The following GCLM variants were observed in gnomAD, a reference collection of about 807,000 sequenced individuals.
GCLM encodes the protein glutamate--cysteine ligase regulatory subunit.
Under a neutral mutation model 36.0 loss-of-function variants are expected in GCLM, and 15 were observed. The observed-to-expected ratio is 0.42, with a 90% CI of 0.28 to 0.64. GCLM has a LOEUF of 0.64. Among genes scored for constraint, GCLM ranks in the 30% least tolerant of loss-of-function variants. The pLI, the probability that GCLM is intolerant of heterozygous loss-of-function variation, is 0.25. For missense variants in GCLM, 242 were observed against 325.5 expected, an observed-to-expected ratio of 0.74 and a Z score of 1.97; for synonymous variants, 129 against 122.8, an observed-to-expected ratio of 1.05 and a Z score of -0.34.
intron 1 of GCLM, among the ~76,000 whole-genome samples, chr1:93,906,247 T>C (rs1397871481): frequency 6.6e-6 from 1 of 152,232 alleles, no homozygotes; most frequent in African/African-American, 2.4e-5. Context: ...TAGATCTTTA[T>C]GTAAAGCATA....
At position 93,909,226 on chromosome 1, in the gene GCLM, C is replaced by T; in HGVS notation, c.-63G>A. The T allele has an allele frequency of 8.9e-7, 1 of 1,126,682 alleles. No homozygotes were observed. Among genetic ancestry groups the T allele is most frequent in the East Asian group, 5.0e-5 (1 of 19,890 alleles). The allele number at this position is 1,126,682 out of a possible 1,614,324, so 69.8% of individuals were successfully genotyped here. A position where few individuals can be genotyped will look rare whatever the true frequency, so the allele number is the denominator to read the frequency against. ...GCGGGCGGGCGGGCAGGCAGGCGGC[C>T]GCCCCACAGGACGCGGTGCCCGAGG... On this transcript the variant is annotated 5_prime_UTR_variant, in exon 1 of 7. Coordinates refer to ENST00000370238, the MANE Select transcript of GCLM (RefSeq NM_002061.4).
chr1:93,906,588 A>C (rs1316359831), intron 1 of GCLM, among the ~76,000 whole-genome samples: 1 of 152,228 alleles, frequency 6.6e-6, no homozygotes, highest in Non-Finnish European at 1.5e-5. Context: ...ACAAATAATA[A>C]AACAGTCTAA....
intron 5 of GCLM, among the ~76,000 whole-genome samples, chr1:93,895,240 T>C (rs1038205461): frequency 6.6e-6 from 1 of 152,200 alleles, no homozygotes; most frequent in Admixed American, 6.5e-5. Context: ...GGTCTTGAAC[T>C]CCTGACCTCA....
intron 6 of GCLM, among the ~76,000 whole-genome samples, chr1:93,892,654 A>C (rs1315059299): frequency 6.6e-6 from 1 of 152,200 alleles, no homozygotes; most frequent in East Asian, 1.9e-4. Context: ...AAAAATATAA[A>C]AAAGGATTAA....
chr1:93,895,963 C>CT (rs577913729), intron 5 of GCLM, among the ~76,000 whole-genome samples: 33,850 of 133,420 alleles, frequency 0.25, 4,427 homozygotes, highest in Admixed American at 0.33. Context: ...GTTTTTCTTT[C>CT]TTTTTTTTTT....
chr1:93,893,365 CTT>C (rs1410095588), intron 6 of GCLM, among the ~76,000 whole-genome samples: 1 of 152,202 alleles, frequency 6.6e-6, no homozygotes, highest in Non-Finnish European at 1.5e-5. Flanking sequence ...TATTAAAACT[CTT>C]TCTCCTCCAT....
chr1:93,895,012 C>A (rs1571199157), intron 5 of GCLM, among the ~76,000 whole-genome samples: 1 of 128,080 alleles, frequency 7.8e-6, no homozygotes, highest in Non-Finnish European at 1.7e-5. Flanking sequence ...CAGTACTACA[C>A]TTTTTTTTTT....
intron 2 of GCLM, among the ~76,000 whole-genome samples, chr1:93,902,693 T>C (rs181036004): frequency 6.6e-6 from 1 of 152,292 alleles, no homozygotes; most frequent in African/African-American, 2.4e-5. Flanking sequence ...CCAGTTTATC[T>C]TAGGGTTTAC....
chr1:93,891,932 TGG>T (rs17879254), intron 6 of GCLM, among the ~76,000 whole-genome samples: 233 of 152,318 alleles, frequency 1.5e-3, no homozygotes, highest in African/African-American at 5.3e-3. Flanking sequence ...TATCTCTTTA[TGG>T]GGGGAAACCA....
At chr1:93,903,978 A>G (rs1008696501) in intron 2 of GCLM, among the ~76,000 whole-genome samples, 3 of 152,216 alleles carry the variant, frequency 2.0e-5, no homozygotes, top group Non-Finnish European at 4.4e-5. Flanking sequence ...GCCCAGGGGA[A>G]CCAGTATTTC....
chr1:93,902,004 AT>A (rs1230032258), intron 2 of GCLM, among the ~76,000 whole-genome samples: 1 of 152,076 alleles, frequency 6.6e-6, no homozygotes, highest in African/African-American at 2.4e-5. Context: ...ACAGCAGATA[AT>A]TTTACTCTAA....
chr1:93,909,373 G>C lies in GCLM; in HGVS notation c.-210C>G. On this transcript the variant is annotated 5_prime_UTR_variant, in exon 1 of 7. Coordinates refer to ENST00000370238, the MANE Select transcript of GCLM (RefSeq NM_002061.4). ...GCGGCGGCGGGAAAGGAAGGCACCG[G>C]TGGCTGCGGCTCCGGCTCCGGCTAC... 1.1e-6 allele frequency: 1 copy of C among 930,294 alleles called. No homozygotes were observed. The highest frequency in any genetic ancestry group is 1.3e-6 in the Non-Finnish European group (1 of 771,884). The allele number at this position is 930,294 out of a possible 1,614,324, so 57.6% of individuals were successfully genotyped here.
chr1:93,889,630 A>G (rs1656460831), intron 6 of GCLM, among the ~76,000 whole-genome samples: 2 of 151,712 alleles, frequency 1.3e-5, no homozygotes, highest in South Asian at 4.2e-4. Flanking sequence ...ATATCTCTAG[A>G]TCTTATATCT....
At chr1:93,890,135 C>T (rs1169404706) in intron 6 of GCLM, among the ~76,000 whole-genome samples, 3 of 151,934 alleles carry the variant, frequency 2.0e-5, no homozygotes, top group African/African-American at 7.3e-5. Context: ...GTCTCGAACT[C>T]CTGACCTCAG....
chr1:93,894,130 C>T (rs1352340675), intron 6 of GCLM, among the ~76,000 whole-genome samples: 5 of 151,822 alleles, frequency 3.3e-5, no homozygotes, highest in Non-Finnish European at 4.4e-5. Flanking sequence ...TGGTGGTATG[C>T]GCCTGTAGTC....
At chr1:93,905,130 G>A (rs1015055829) in intron 1 of GCLM, among the ~76,000 whole-genome samples, 7 of 141,912 alleles carry the variant, frequency 4.9e-5, no homozygotes, top group Admixed American at 2.3e-4. Context: ...CTGAGATGAT[G>A]CCATTTCATT....
intron 3 of GCLM, among the ~76,000 whole-genome samples, chr1:93,899,778 C>A (rs7517826): frequency 0.44 from 67,545 of 151,808 alleles, 16,887 homozygotes; most frequent in African/African-American, 0.68. Flanking sequence ...CATTAATTGT[C>A]ATTTCTTTGG....
intron 4 of GCLM, among the ~76,000 whole-genome samples, chr1:93,897,165 A>C (rs1656761820): frequency 6.6e-6 from 1 of 152,144 alleles, no homozygotes; most frequent in Non-Finnish European, 1.5e-5. Flanking sequence ...ATCTTCATAA[A>C]ATTTTCTTCT....
intron 1 of GCLM, chr1:93,908,659 C>G (rs376087411): frequency 1.2e-3 from 199 of 161,912 alleles, no homozygotes; most frequent in Middle Eastern, 2.9e-3. Context: ...GAAAATATTC[C>G]TTTACCTGGA....
Sources: allele counts gnomAD v4.1 joint callset (sites outside exome capture counted in the v4.1 genomes callset), GRCh38; gene constraint gnomAD v4.1.1; transcripts MANE v1.5; gene names NCBI Gene and HGNC (gene_info 2026-07-23, HGNC 2026-07-21).